MIA2: variants seen among roughly 807,000 people sequenced by gnomAD.
The protein encoded by MIA2 is MIA SH3 domain ER export factor 2.
Under a neutral mutation model 167.8 loss-of-function variants are expected in MIA2, and 127 were observed. That is an observed-to-expected ratio of 0.76 (90% CI 0.66 to 0.88). MIA2 has a LOEUF of 0.88. Ranked by LOEUF, MIA2 falls within the 40% of genes least tolerant of loss-of-function variation. MIA2 has a pLI of 0.00. For synonymous variants in MIA2, 552 were observed against 541.9 expected, an observed-to-expected ratio of 1.02 and a Z score of -0.26; for missense variants, 1,690 against 1,624.7, an observed-to-expected ratio of 1.04 and a Z score of -0.69.
chr14:39,351,940 G>A (rs1427378877), downstream of MIA2, among the ~76,000 whole-genome samples: 1 of 152,064 alleles, frequency 6.6e-6, no homozygotes, highest in Non-Finnish European at 1.5e-5. Context: ...ATCCAGTGTC[G>A]TAATTCCTGA....
intron 23 of MIA2, among the ~76,000 whole-genome samples, chr14:39,373,076 A>G (rs1367387337): frequency 6.6e-6 from 1 of 152,206 alleles, no homozygotes; most frequent in Non-Finnish European, 1.5e-5. Context: ...TCCCAGTTAC[A>G]TGGATTTGGT....
chr14:39,357,878 G>A lies in MIA2; in HGVS notation c.2248+8901G>A, dbSNP rs558275467. ...TTTTCTTTAAGAATGTTGAATATTG[G>A]CCCGCACTCTCTTCTGGCTTGTAAA... On this transcript the variant is annotated intron_variant, in intron 23 of 23. Coordinates refer to the MIA2 transcript ENST00000341502. Among the ~76,000 whole-genome samples the A allele has an allele frequency of 6.3e-4, 53 of 84,406 alleles. No homozygotes were observed. In the East Asian group the frequency reaches 9.0e-3, roughly 14 times the overall value. 55.4% of individuals were successfully genotyped at this position (84,406 alleles called of 152,430 possible). A position where few individuals can be genotyped will look rare whatever the true frequency, so the allele number is the denominator to read the frequency against.
intron 12 of MIA2, 37 bp from the exon 13 acceptor site, chr14:39,294,888 T>C (rs2061211423): frequency 2.9e-6 from 4 of 1,360,394 alleles, no homozygotes; most frequent in Non-Finnish European, 4.2e-6. Context: ...TGTATTAAAT[T>C]AATTGTTACA....
At position 39,288,446 on chromosome 14, in the gene MIA2, TATATATATATATATATATATATATATATA is replaced by T. The variant is rs1175478338; in HGVS notation, c.2131-2572_2131-2544del. 7.5e-3 allele frequency among the ~76,000 whole-genome samples: 209 copies of T among 27,988 alleles called. 7 individuals are homozygous for T. The highest frequency in any genetic ancestry group is 9.5e-3 in the South Asian group (9 of 952). 18.4% of individuals were successfully genotyped at this position (27,988 alleles called of 152,430 possible). On this transcript the variant is annotated intron_variant, in intron 9 of 28. Transcript: ENST00000640607. ...TATATATTATACATATATATATATA[TATATATATATATATATATATATATATATA>T]TTTTTTTTTTTTTTTTTGAGACGGA...
At chr14:39,317,882 TA>T (rs1361216133) in intron 21 of MIA2, 61 bp from the exon 22 acceptor site, 20 of 1,074,458 alleles carry the variant, frequency 1.9e-5, no homozygotes, top group Non-Finnish European at 2.1e-5. Context: ...TATATTGACA[TA>T]TTTATGCTTA....
At chr14:39,357,216 C>T (rs1002818992) in intron 23 of MIA2, among the ~76,000 whole-genome samples, 10 of 152,102 alleles carry the variant, frequency 6.6e-5, no homozygotes, top group African/African-American at 1.2e-4. Context: ...TAAGGACTTG[C>T]TTTATGAATC....
intron 22 of MIA2, among the ~76,000 whole-genome samples, 180 bp downstream of exon 22, chr14:39,318,191 A>T (rs2065831133): frequency 6.6e-6 from 1 of 152,206 alleles, no homozygotes; most frequent in South Asian, 2.1e-4. Context: ...GTCTTAGGTC[A>T]CTGAAGTGGC....
At chr14:39,302,566 T>G (rs552565235) in intron 15 of MIA2, among the ~76,000 whole-genome samples, 6 of 152,336 alleles carry the variant, frequency 3.9e-5, no homozygotes, top group Admixed American at 3.3e-4. Context: ...TTCCCTGTAC[T>G]GTAAGCTAAT....
chr14:39,265,920 G>T, intron 6 of MIA2: 1 of 944,224 alleles, frequency 1.1e-6, no homozygotes, highest in East Asian at 1.2e-4. Flanking sequence ...AAGCAATTTT[G>T]GCTACTCTGA....
rs765168774 is a variant in MIA2, at chr14:39,304,384, A to AG, written c.2878+5dup. On this transcript the variant is annotated splice_donor_region_variant and intron_variant, in intron 17 of 28. Coordinates refer to ENST00000640607, the MANE Select transcript of MIA2 (RefSeq NM_001329214.4). ...TAAAACAAAGGAAGAGCTTACAGGT[A>AG]GGTCATTGACATACATACTTTTAAT... 8 of 1,526,856 alleles carry AG rather than the reference A, an allele frequency of 5.2e-6. No individual in the cohort carries two copies. In the Admixed American group the frequency reaches 1.6e-4, roughly 30 times the overall value. The allele number at this position is 1,526,856 out of a possible 1,614,324, so 94.6% of individuals were successfully genotyped here.
chr14:39,344,260 A>G (rs1040235936), intron 25 of MIA2, among the ~76,000 whole-genome samples: 2 of 152,200 alleles, frequency 1.3e-5, no homozygotes, highest in African/African-American at 2.4e-5. Context: ...ATGATGTAGT[A>G]TCTGGAGACC....
At chr14:39,305,370 A>G (rs2063169022) in intron 17 of MIA2, among the ~76,000 whole-genome samples, 1 of 152,258 alleles carries the variant, frequency 6.6e-6, no homozygotes, top group African/African-American at 2.4e-5. Flanking sequence ...AGAAAGTGCC[A>G]GAGTGGCAAG....
chr14:39,300,673 G>A (rs1409878407), intron 14 of MIA2, among the ~76,000 whole-genome samples: 1 of 102,898 alleles, frequency 9.7e-6, no homozygotes, highest in Non-Finnish European at 1.8e-5. Context: ...GTTGTGGGGT[G>A]GGGGGAGGGG....
chr14:39,300,674 G>A (rs1457507378), intron 14 of MIA2, among the ~76,000 whole-genome samples: 7 of 101,484 alleles, frequency 6.9e-5, no homozygotes, highest in African/African-American at 2.7e-4. Flanking sequence ...TTGTGGGGTG[G>A]GGGGAGGGGG....
At chr14:39,283,756 T>C (rs761372554) in intron 9 of MIA2, among the ~76,000 whole-genome samples, 3 of 152,214 alleles carry the variant, frequency 2.0e-5, no homozygotes, top group Non-Finnish European at 4.4e-5. Flanking sequence ...TGATGATTGG[T>C]GATATTGAAC....
At chr14:39,375,769 A>G (rs1217483197) in intron 23 of MIA2, among the ~76,000 whole-genome samples, 1 of 152,176 alleles carries the variant, frequency 6.6e-6, no homozygotes, top group East Asian at 1.9e-4. Flanking sequence ...CTGAAAATTA[A>G]TATTTTGTTA....
intron 4 of MIA2, among the ~76,000 whole-genome samples, chr14:39,252,155 T>C (rs1369522065): frequency 2.6e-5 from 4 of 152,106 alleles, no homozygotes; most frequent in African/African-American, 9.7e-5. Context: ...GTAGGCTGAA[T>C]AAAAGCCCCC....
At chr14:39,370,455 G>C (rs1279012840) in intron 23 of MIA2, 1 of 247,316 alleles carries the variant, frequency 4.0e-6, no homozygotes, top group Non-Finnish European at 8.9e-6. Flanking sequence ...GGGATGGTGG[G>C]CCGGTTGGAA....
At chr14:39,307,691 G>A (rs952167926) in intron 17 of MIA2, among the ~76,000 whole-genome samples, 2 of 152,164 alleles carry the variant, frequency 1.3e-5, no homozygotes, top group South Asian at 4.1e-4. Context: ...GTGAGCCACC[G>A]TGCCCGGCCA....
Sources: allele counts gnomAD v4.1 joint callset (sites outside exome capture counted in the v4.1 genomes callset), GRCh38; gene constraint gnomAD v4.1.1; transcripts MANE v1.5; gene names NCBI Gene and HGNC (gene_info 2026-07-23, HGNC 2026-07-21).